Variants in NWD1 observed in about 807,000 individuals in gnomAD.
NWD1 encodes NACHT and WD repeat domain containing 1.
NWD1 carries 129 observed loss-of-function variants against 135.1 expected under a neutral mutation model. The ratio of observed to expected loss-of-function variants is 0.96; its 90% CI spans 0.83 to 1.11. NWD1 has a LOEUF of 1.11. Ranked by LOEUF, NWD1 falls within the 50% of genes least tolerant of loss-of-function variation. NWD1 has a pLI of 0.00. For missense variants in NWD1, 1,740 were observed against 1,851.3 expected (o/e 0.94, Z 1.10); for synonymous variants, 773 against 786.0 (o/e 0.98, Z 0.28).
Position 16,817,277 on chromosome 19 carries a change from G to A in NWD1, c.*2238G>A, listed in dbSNP as rs1971090933. On this transcript the variant is annotated 3_prime_UTR_variant, in exon 19 of 19. Coordinates refer to ENST00000524140, the MANE Select transcript of NWD1 (RefSeq NM_001007525.5). ...ATTGTGCCACTGCACTCCAGCCTGG[G>A]TGACAGAGCAAGACTCCATCTCATA... 1 of 151,798 alleles carries A rather than the reference G, an allele frequency of 6.6e-6. No individual in the cohort carries two copies. Among genetic ancestry groups the A allele is most frequent in the Non-Finnish European group, 1.5e-5 (1 of 68,026 alleles). The allele number at this position is 151,798 out of a possible 1,614,324, so 9.4% of individuals were successfully genotyped here. A position where few individuals can be genotyped will look rare whatever the true frequency, so the allele number is the denominator to read the frequency against.
chr19:16,786,292 G>A (rs1354714886), intron 12 of NWD1, among the ~76,000 whole-genome samples: 1 of 151,958 alleles, frequency 6.6e-6, no homozygotes, highest in East Asian at 1.9e-4. Context: ...ACAGGTGTGA[G>A]CCACCTGGCC....
Position 16,773,185 on chromosome 19 carries a change from C to A in NWD1, c.2470C>A (p.Pro824Thr), listed in dbSNP as rs751334113. Residue 824 changes from proline to threonine, a missense_variant, in exon 11 of 19, where the codon CCA becomes ACA. By Grantham distance (38) the Pro-to-Thr change is conservative. Coordinates refer to ENST00000524140, the MANE Select transcript of NWD1 (RefSeq NM_001007525.5). ...ACTCCATTTCTTCGCCACCTCACATCCAGCACTGGTGGGACAGCTATGCCA... is the reference window on the plus strand; with the variant it reads ...ACTCCATTTCTTCGCCACCTCACATACAGCACTGGTGGGACAGCTATGCCA... The part of the protein sequence containing the change: ...ARLHFFATSH[P>T]ALVGQLCQQA... 2 of 1,613,928 alleles carry A rather than the reference C, an allele frequency of 1.2e-6. No individual in the cohort carries two copies. Among genetic ancestry groups the A allele is most frequent in the Non-Finnish European group, 1.7e-6 (2 of 1,180,024 alleles).
Position 16,762,080 on chromosome 19 carries a change from GT to G in NWD1, c.2076del (p.Thr693ProfsTer14), listed in dbSNP as rs754342687. On this transcript the variant is annotated frameshift_variant, in exon 8 of 19. Transcript: ENST00000524140. LOFTEE classifies it high-confidence loss of function. ...TTCTTCTCAGGGACCTGGAGCCAGG[GT>G]ACCAAGAAGCTCATCACTCTGCCAC... is the stretch of plus-strand genomic sequence containing the variant. ...ADFFSGTWSQ[G>X]TKKLITLPLV... 5.6e-6 allele frequency: 9 copies of G among 1,613,946 alleles called. No homozygotes were observed. Among genetic ancestry groups the G allele is most frequent in the Non-Finnish European group, 6.8e-6 (8 of 1,180,018 alleles).
chr19:16,807,712 A>G lies in NWD1; in HGVS notation c.3863A>G (p.Gln1288Arg). ...VVLVFPLNSR[Q>R]DVICIPPPEA... ...CTTGTGTTCCCCCTGAATTCCAGGC[A>G]GGACGTGATATGCATTCCCCCTCCC... Residue 1288 changes from glutamine (Q) to arginine (R), a missense_variant, in exon 18 of 19, where the codon CAG becomes CGG. Physicochemically the swap from Gln to Arg is conservative, Grantham distance 43. Coordinates refer to ENST00000524140, the MANE Select transcript of NWD1 (RefSeq NM_001007525.5). The G allele has an allele frequency of 2.5e-6, 4 of 1,613,576 alleles. No individual in the cohort carries two copies. The East Asian group carries it at 8.9e-5, about 36-fold the overall frequency.
rs1218373847 is a variant in NWD1 at position 16,744,505 on chromosome 19, A to C, written c.283A>C (p.Thr95Pro). 3.9e-6 allele frequency: 6 copies of C among 1,535,884 alleles called. No homozygotes were observed. In the Admixed American group the frequency reaches 5.9e-5, roughly 15 times the overall value. The change falls in exon 5 of 19, where the codon ACT becomes CCT. Residue 95 changes from threonine to proline, a missense_variant. Coordinates refer to ENST00000524140, the MANE Select transcript of NWD1 (RefSeq NM_001007525.5). Reference protein sequence around the residue: ...KEWEVLRDHLTARPSDLELVA... With the variant: ...KEWEVLRDHLPARPSDLELVA... The stretch of plus-strand genomic sequence containing the variant: ...GTGGGAGGTATTGAGGGACCATCTG[A>C]CTGCCAGGCCAAGTGACCTGGAGCT...
intron 17 of NWD1, among the ~76,000 whole-genome samples, 166 bp downstream of exon 17, chr19:16,800,328 G>A (rs1340799056): frequency 3.3e-5 from 5 of 152,204 alleles, no homozygotes; most frequent in Admixed American, 3.3e-4. Context: ...GAGGTCAGGA[G>A]TTCAAGACCA....
At chr19:16,755,489 A>G (rs1003449103) in intron 6 of NWD1, among the ~76,000 whole-genome samples, 1 of 152,106 alleles carries the variant, frequency 6.6e-6, no homozygotes, top group Non-Finnish European at 1.5e-5. Flanking sequence ...CCTAGGTTCA[A>G]ATGATTCTCA....
rs1011693480 is a variant in NWD1, at chr19:16,799,924, C to A, written c.3498C>A (p.Ile1166=). 11 of 1,613,508 alleles carry A rather than the reference C, an allele frequency of 6.8e-6. No homozygotes were observed. Among genetic ancestry groups the A allele is most frequent in the Non-Finnish European group, 9.3e-6 (11 of 1,179,684 alleles). ...CAGAACAGGGGACCCTTCTGGACATCCTGGAAGGCGTCGGGGCCCCCGTGA... is the reference window on the plus strand; with the variant it reads ...CAGAACAGGGGACCCTTCTGGACATACTGGAAGGCGTCGGGGCCCCCGTGA... ...SLSEQGTLLD[I]LEGVGAPVSL... is the part of the protein sequence containing the mutation. Residue 1166 remains isoleucine (I), a synonymous_variant, in exon 17 of 19, where the codon ATC becomes ATA. Coordinates refer to ENST00000524140, the MANE Select transcript of NWD1 (RefSeq NM_001007525.5).
chr19:16,745,188 A>G (rs766420999), intron 5 of NWD1: 1 of 399,960 alleles, frequency 2.5e-6, no homozygotes, highest in Non-Finnish European at 5.0e-6. Flanking sequence ...GAAATTCCTT[A>G]TAAAACCATC....
rs145038286 is a variant in NWD1 at position 16,749,239 on chromosome 19, C to T, written c.597C>T (p.Ile199=). 2 of 1,614,154 alleles carry T rather than the reference C, an allele frequency of 1.2e-6. No individual in the cohort carries two copies. Among genetic ancestry groups the T allele is most frequent in the Non-Finnish European group, 1.7e-6 (2 of 1,180,006 alleles). The part of the protein sequence containing the change: ...LREIQDLHKH[I]LEDCALRMVD... Reference sequence around the variant, plus strand: ...AGATCCAAGACCTCCACAAACACATCCTTGAAGACTGCGCCCTTAGGATGG... The same window carrying T: ...AGATCCAAGACCTCCACAAACACATTCTTGAAGACTGCGCCCTTAGGATGG... Residue 199 remains isoleucine, a synonymous_variant, in exon 6 of 19, where the codon ATC becomes ATT. Transcript: ENST00000524140.
chr19:16,767,959 T>G (rs1969284984), intron 10 of NWD1, among the ~76,000 whole-genome samples: 1 of 151,374 alleles, frequency 6.6e-6, no homozygotes, highest in Non-Finnish European at 1.5e-5. Context: ...ATCCACATTG[T>G]AGCATATGTC....
rs776856455 is a variant in NWD1, at chr19:16,759,295, C to A, written c.1840C>A (p.Arg614=). 8.7e-6 allele frequency: 14 copies of A among 1,614,018 alleles called. No homozygotes were observed. The highest frequency in any genetic ancestry group is 2.2e-5 in the East Asian group (1 of 44,886). Residue 614 remains arginine, a synonymous_variant, in exon 7 of 19, where the codon CGA becomes AGA. Transcript: ENST00000524140. ...LDDEVLQDVY[R]DWTPPSKELL... ...CGACGAGGTCCTGCAGGATGTGTACCGAGATTGGACCCCGCCCAGCAAGGA... is the reference window on the plus strand; with the variant it reads ...CGACGAGGTCCTGCAGGATGTGTACAGAGATTGGACCCCGCCCAGCAAGGA...
intron 2 of NWD1, chr19:16,727,443 T>A (rs1047394509): frequency 1.3e-5 from 2 of 152,646 alleles, no homozygotes; most frequent in African/African-American, 2.4e-5. Flanking sequence ...GGCTCCCCGT[T>A]CCTGATGGCC....
chr19:16,745,888 G>A (rs901427550), intron 5 of NWD1, among the ~76,000 whole-genome samples: 1 of 152,178 alleles, frequency 6.6e-6, no homozygotes, highest in African/African-American at 2.4e-5. Flanking sequence ...CTGCACTCCA[G>A]CATGGGTGAC....
chr19:16,752,045 A>G (rs1355880663), intron 6 of NWD1, among the ~76,000 whole-genome samples: 1 of 152,086 alleles, frequency 6.6e-6, no homozygotes, highest in Non-Finnish European at 1.5e-5. Flanking sequence ...GAAGGGGTTA[A>G]TCAGAAGCAC....
chr19:16,720,593 G>T (rs2122645546), intron 1 of NWD1, among the ~76,000 whole-genome samples: 1 of 152,132 alleles, frequency 6.6e-6, no homozygotes, highest in East Asian at 1.9e-4. Context: ...GTCTCGCTCT[G>T]TCACTAGGCT....
chr19:16,794,406 A>T (rs1469384069), intron 14 of NWD1, 57 bp from the exon 15 acceptor site: 1 of 944,056 alleles, frequency 1.1e-6, no homozygotes, highest in Non-Finnish European at 1.6e-6. Context: ...AAAAAATTCC[A>T]GACTTGTAAC....
chr19:16,748,998 C>T (rs1968435764), intron 5 of NWD1, 141 bp from the exon 6 acceptor site: 3 of 661,258 alleles, frequency 4.5e-6, no homozygotes, highest in Non-Finnish European at 5.1e-6. Context: ...CTTTTCGAGA[C>T]CCCCAGGTCA....
At position 16,797,840 on chromosome 19, in the gene NWD1, C is replaced by G. The variant is rs771183303; in HGVS notation, c.3413C>G (p.Thr1138Ser). The change falls in exon 16 of 19, where the codon ACT becomes AGT. Residue 1138 changes from threonine to serine, a missense_variant. Coordinates refer to ENST00000524140, the MANE Select transcript of NWD1 (RefSeq NM_001007525.5). ...ATGGTGGAGACGGCTGTTTTTGGTA[C>G]TGAGAACAACCTGATCATCACGGGG... The part of the protein sequence containing the change: ...EDMVETAVFG[T>S]ENNLIITGSL... 3 of 1,613,970 alleles carry G rather than the reference C, an allele frequency of 1.9e-6. No individual in the cohort carries two copies. The East Asian group carries it at 6.7e-5, about 36-fold the overall frequency.
Sources: allele counts gnomAD v4.1 joint callset (sites outside exome capture counted in the v4.1 genomes callset), GRCh38; gene constraint gnomAD v4.1.1; transcripts MANE v1.5; gene names NCBI Gene and HGNC (gene_info 2026-07-23, HGNC 2026-07-21).